Variants in ASIC2 observed in about 807,000 individuals in gnomAD.
The protein encoded by ASIC2 is acid sensing ion channel subunit 2.
A neutral mutation model predicts 57.3 loss-of-function variants in ASIC2; 25 were observed. The observed-to-expected ratio is 0.44, with a 90% CI of 0.32 to 0.61. The LOEUF (loss-of-function observed/expected upper bound fraction) is 0.61, where lower values mean the gene tolerates loss of function less well. Ranked by LOEUF, ASIC2 falls within the 20% of genes least tolerant of loss-of-function variation. The pLI is 0.06. For synonymous variants in ASIC2, 319 were observed against 307.5 expected (o/e 1.04, Z -0.39); for missense variants, 641 against 738.1 (o/e 0.87, Z 1.52).
chr17:33,275,506 T>C (rs1346925909), intron 1 of ASIC2, among the ~76,000 whole-genome samples: 1 of 152,170 alleles, frequency 6.6e-6, no homozygotes, highest in Non-Finnish European at 1.5e-5. Flanking sequence ...TGTCGTAAAC[T>C]AGCATCGGCC....
At position 33,579,445 on chromosome 17, in the gene ASIC2, G is replaced by T. The variant is rs377765140; in HGVS notation, c.556-467378C>A. 9.2e-5 allele frequency among the ~76,000 whole-genome samples: 14 copies of T among 152,178 alleles called. No homozygotes were observed. The East Asian group carries it at 1.2e-3, about 13-fold the overall frequency. Reference sequence around the variant, plus strand: ...AGGAGATATAGACTAGGGCTGCGGGGTACCCATCCAGTTTATTCATTCAAC... The same window carrying T: ...AGGAGATATAGACTAGGGCTGCGGGTTACCCATCCAGTTTATTCATTCAAC... On this transcript the variant is annotated intron_variant, in intron 1 of 9. Transcript: ENST00000359872.
intron 1 of ASIC2, among the ~76,000 whole-genome samples, chr17:33,634,154 C>A (rs1409386850): frequency 1.3e-5 from 2 of 152,194 alleles, no homozygotes; most frequent in Non-Finnish European, 2.9e-5. Flanking sequence ...CATTGCTGGG[C>A]CCTATATGAC....
intron 1 of ASIC2, among the ~76,000 whole-genome samples, chr17:33,537,670 G>T (rs1291514632): frequency 6.6e-6 from 1 of 152,196 alleles, no homozygotes; most frequent in African/African-American, 2.4e-5. Flanking sequence ...GTGGGTGGAG[G>T]TTCTGGAAGG....
chr17:33,569,674 T>G (rs562637623), intron 1 of ASIC2, among the ~76,000 whole-genome samples: 13 of 152,212 alleles, frequency 8.5e-5, no homozygotes, highest in African/African-American at 2.9e-4. Context: ...CATTCATATC[T>G]TTAGCTTAAA....
intron 1 of ASIC2, among the ~76,000 whole-genome samples, chr17:33,114,305 G>A (rs2092272143): frequency 6.6e-6 from 1 of 152,180 alleles, no homozygotes; most frequent in Admixed American, 6.5e-5. Flanking sequence ...TTATCCCATG[G>A]AGACGTGTTC....
At chr17:34,096,161 A>C (rs926790952) in intron 1 of ASIC2, among the ~76,000 whole-genome samples, 1 of 152,136 alleles carries the variant, frequency 6.6e-6, no homozygotes, top group Non-Finnish European at 1.5e-5. Flanking sequence ...TCCAGCCCTA[A>C]CAAACACACA....
intron 1 of ASIC2, among the ~76,000 whole-genome samples, chr17:33,170,117 G>A (rs1239979317): frequency 6.6e-6 from 1 of 152,160 alleles, no homozygotes; most frequent in African/African-American, 2.4e-5. Flanking sequence ...GTCCTTCCAA[G>A]GGAATCAAGT....
intron 1 of ASIC2, among the ~76,000 whole-genome samples, chr17:33,610,716 A>AAAT (rs1905377737): frequency 1.3e-5 from 2 of 149,148 alleles, no homozygotes; most frequent in African/African-American, 5.1e-5. Flanking sequence ...AAATAAATAA[A>AAAT]AAATAAATAA....
intron 1 of ASIC2, among the ~76,000 whole-genome samples, chr17:33,536,065 A>C (rs1915218158): frequency 6.6e-6 from 1 of 152,190 alleles, no homozygotes; most frequent in Non-Finnish European, 1.5e-5. Context: ...GATAGTAGAA[A>C]ATGTTCTCCT....
At chr17:33,050,205 C>T (rs1400123616) in intron 3 of ASIC2, among the ~76,000 whole-genome samples, 4 of 152,176 alleles carry the variant, frequency 2.6e-5, no homozygotes, top group Non-Finnish European at 5.9e-5. Flanking sequence ...TTTTTCAGAT[C>T]TCAGATCTAA....
chr17:33,550,633 C>T (rs1471189322), intron 1 of ASIC2, among the ~76,000 whole-genome samples: 1 of 152,158 alleles, frequency 6.6e-6, no homozygotes, highest in Non-Finnish European at 1.5e-5. Context: ...GCTTTGGTTT[C>T]CTCATTTAGA....
intron 1 of ASIC2, among the ~76,000 whole-genome samples, chr17:34,089,392 A>G (rs193013991): frequency 6.6e-6 from 1 of 152,280 alleles, no homozygotes; most frequent in East Asian, 1.9e-4. Context: ...GGCTTTTAAA[A>G]TACCAAGGTG....
chr17:34,004,044 AC>A (rs1382317695), intron 1 of ASIC2: 1 of 152,076 alleles, frequency 6.6e-6, no homozygotes, highest in African/African-American at 2.4e-5. Context: ...TTCCTGAAAG[AC>A]CTCCTTCATG....
chr17:33,065,425 T>C (rs2092039740), intron 3 of ASIC2, among the ~76,000 whole-genome samples: 1 of 151,986 alleles, frequency 6.6e-6, no homozygotes, highest in Non-Finnish European at 1.5e-5. Flanking sequence ...TTTTCCCACC[T>C]CAGCCTCTCA....
intron 1 of ASIC2, among the ~76,000 whole-genome samples, chr17:33,872,903 G>A (rs1324613440): frequency 6.6e-6 from 1 of 152,136 alleles, no homozygotes; most frequent in Non-Finnish European, 1.5e-5. Context: ...CCAGCAAATA[G>A]TAAAGGAGGG....
In ASIC2 at chr17:34,024,622, C is replaced by T. The variant is rs147177760; in HGVS notation, c.555+131356G>A. On this transcript the variant is annotated intron_variant, in intron 1 of 9. Transcript: ENST00000359872. ...ACTCTTGCATTTCCCAGAAATTCTGCTCTGGGTTTCCATTGCCTGTTTCCT... is the reference window on the plus strand; with the variant it reads ...ACTCTTGCATTTCCCAGAAATTCTGTTCTGGGTTTCCATTGCCTGTTTCCT... 6.9e-3 allele frequency among the ~76,000 whole-genome samples: 1,048 copies of T among 152,344 alleles called. 6 individuals are homozygous for T. Among genetic ancestry groups the T allele is most frequent in the Middle Eastern group, 0.034 (10 of 294 alleles).
intron 1 of ASIC2, among the ~76,000 whole-genome samples, chr17:33,769,681 C>T (rs1344774561): frequency 6.6e-6 from 1 of 152,196 alleles, no homozygotes; most frequent in Non-Finnish European, 1.5e-5. Flanking sequence ...TGGATTTTCC[C>T]TGATTAAAGA....
chr17:34,122,170 C>T (rs1226061292), intron 1 of ASIC2, among the ~76,000 whole-genome samples: 3 of 152,238 alleles, frequency 2.0e-5, no homozygotes, highest in African/African-American at 7.2e-5. Context: ...GTGCTAAGGA[C>T]TTGCTTGCAT....
chr17:33,191,245 A>G (rs572021399), intron 1 of ASIC2, among the ~76,000 whole-genome samples: 102 of 152,322 alleles, frequency 6.7e-4, no homozygotes, highest in Non-Finnish European at 1.1e-3. Flanking sequence ...AACATTGTAT[A>G]ATTCCATTCA....
Sources: gnomAD v4.1 joint callset for allele counts (sites outside exome capture counted in the v4.1 genomes callset) on GRCh38, gnomAD v4.1.1 for gene constraint, MANE v1.5 for transcripts, NCBI Gene and HGNC (gene_info 2026-07-23, HGNC 2026-07-21) for gene names.